The following ADAMTS12 variants were observed in gnomAD, a reference collection of about 807,000 sequenced individuals.
The protein encoded by ADAMTS12 is A disintegrin and metalloproteinase with thrombospondin motifs 12.
A neutral mutation model predicts 167.8 loss-of-function variants in ADAMTS12; 118 were observed. The observed-to-expected ratio is 0.70, with a 90% CI of 0.61 to 0.82. The LOEUF (loss-of-function observed/expected upper bound fraction) is 0.82. Among genes scored for constraint, ADAMTS12 ranks in the 40% least tolerant of loss-of-function variants. ADAMTS12 has a pLI of 0.00. For synonymous variants in ADAMTS12, 704 were observed against 716.9 expected (o/e 0.98, Z 0.29); for missense variants, 1,916 against 1,998.8 (o/e 0.96, Z 0.79).
At chr5:33,670,318 G>A (rs1247240472) in intron 5 of ADAMTS12, among the ~76,000 whole-genome samples, 2 of 152,160 alleles carry the variant, frequency 1.3e-5, no homozygotes, top group African/African-American at 2.4e-5. Flanking sequence ...TTACCAGAAT[G>A]GGTAAAATAA....
chr5:33,793,274 TAATGAGGCTGA>T (rs1232265412), intron 2 of ADAMTS12, among the ~76,000 whole-genome samples: 1 of 152,274 alleles, frequency 6.6e-6, no homozygotes, highest in Non-Finnish European at 1.5e-5. Context: ...GGTTTGTGTG[TAATGAGGCTGA>T]ACACTTAAAA....
chr5:33,742,895 G>A (rs553974216), intron 3 of ADAMTS12, among the ~76,000 whole-genome samples: 1 of 152,330 alleles, frequency 6.6e-6, no homozygotes, highest in Admixed American at 6.5e-5. Flanking sequence ...ATGGAAGACA[G>A]ACAATAAACC....
Position 33,524,424 on chromosome 5 carries a change from C to A in ADAMTS12, c.*2764G>T, listed in dbSNP as rs372765487. The A allele has an allele frequency of 6.6e-6, 1 of 152,178 alleles. No homozygotes were observed. The highest frequency in any genetic ancestry group is 2.4e-5 in the African/African-American group (1 of 41,440). The allele number at this position is 152,178 out of a possible 1,614,324, so 9.4% of individuals were successfully genotyped here. A position where few individuals can be genotyped will look rare whatever the true frequency, so the allele number is the denominator to read the frequency against. ...TAATGTAGTTAAGTACCAGGCCCTG[C>A]GATGGCCCTCTCTATTTCATAGAGA... On this transcript the variant is annotated 3_prime_UTR_variant, in exon 24 of 24. Coordinates refer to ENST00000504830, the MANE Select transcript of ADAMTS12 (RefSeq NM_030955.4).
chr5:33,862,085 C>T (rs778802400), intron 2 of ADAMTS12, among the ~76,000 whole-genome samples: 2 of 151,930 alleles, frequency 1.3e-5, no homozygotes, highest in Non-Finnish European at 2.9e-5. Context: ...GGAAAAGATC[C>T]AAAATCGACA....
intron 2 of ADAMTS12, among the ~76,000 whole-genome samples, chr5:33,819,143 T>C (rs1747779135): frequency 6.6e-6 from 1 of 152,100 alleles, no homozygotes. Flanking sequence ...TGGTGTGATA[T>C]CCAAAAAAAG....
At chr5:33,568,810 C>T (rs551943448) in intron 19 of ADAMTS12, among the ~76,000 whole-genome samples, 21 of 152,340 alleles carry the variant, frequency 1.4e-4, no homozygotes, top group South Asian at 4.1e-4. Flanking sequence ...ACTCGGGAAG[C>T]GCAAGGGGTC....
chr5:33,843,951 G>C (rs1005619958), intron 2 of ADAMTS12, among the ~76,000 whole-genome samples: 1 of 152,230 alleles, frequency 6.6e-6, no homozygotes, highest in African/African-American at 2.4e-5. Context: ...CATGGCAGAA[G>C]AATGTGGATT....
At chr5:33,753,694 T>G (rs1206447613) in intron 2 of ADAMTS12, among the ~76,000 whole-genome samples, 1 of 152,042 alleles carries the variant, frequency 6.6e-6, no homozygotes, top group Non-Finnish European at 1.5e-5. Context: ...CAGATGGGGC[T>G]CCACTTGAGG....
chr5:33,534,330 G>A (rs1304074452), intron 23 of ADAMTS12, among the ~76,000 whole-genome samples: 1 of 152,020 alleles, frequency 6.6e-6, no homozygotes, highest in East Asian at 1.9e-4. Context: ...TTTCCATCCA[G>A]CTTTCTCCAC....
At chr5:33,867,665 T>G (rs1178491496) in intron 2 of ADAMTS12, among the ~76,000 whole-genome samples, 1 of 151,944 alleles carries the variant, frequency 6.6e-6, no homozygotes, top group East Asian at 1.9e-4. Context: ...ATATAAAAAG[T>G]TTTTAAACAA....
chr5:33,665,766 G>A (rs1461175596), intron 5 of ADAMTS12, among the ~76,000 whole-genome samples: 1 of 152,146 alleles, frequency 6.6e-6, no homozygotes, highest in Non-Finnish European at 1.5e-5. Flanking sequence ...CTTATGTGAT[G>A]GGGAGAGGGT....
intron 6 of ADAMTS12, among the ~76,000 whole-genome samples, chr5:33,659,936 G>A (rs1403430659): frequency 1.3e-5 from 2 of 152,154 alleles, no homozygotes; most frequent in East Asian, 3.9e-4. Context: ...CCCCTCCTAA[G>A]GGACATTTGG....
intron 2 of ADAMTS12, among the ~76,000 whole-genome samples, chr5:33,768,510 A>G (rs1038281450): frequency 6.6e-6 from 1 of 152,258 alleles, no homozygotes; most frequent in African/African-American, 2.4e-5. Context: ...ATCATGCAAC[A>G]GAATTGCATT....
chr5:33,631,281 T>C (rs1739916490), intron 12 of ADAMTS12, among the ~76,000 whole-genome samples: 1 of 152,172 alleles, frequency 6.6e-6, no homozygotes, highest in Non-Finnish European at 1.5e-5. Context: ...CAACCAGCCA[T>C]GAAGGACTCC....
chr5:33,641,683 G>T, intron 11 of ADAMTS12, 127 bp downstream of exon 11: 1 of 936,444 alleles, frequency 1.1e-6, no homozygotes, highest in Non-Finnish European at 1.5e-6. Flanking sequence ...GTTCTGTTTT[G>T]TCCTGGGAAC....
At chr5:33,715,387 C>A (rs961450024) in intron 3 of ADAMTS12, among the ~76,000 whole-genome samples, 1 of 152,056 alleles carries the variant, frequency 6.6e-6, no homozygotes, top group Admixed American at 6.6e-5. Context: ...GGAGAGAATT[C>A]ATATGCAGTT....
chr5:33,800,438 T>G (rs1274692842), intron 2 of ADAMTS12, among the ~76,000 whole-genome samples: 1 of 152,192 alleles, frequency 6.6e-6, no homozygotes, highest in Non-Finnish European at 1.5e-5. Context: ...AAGAGCTCAA[T>G]ACTACACAAA....
intron 2 of ADAMTS12, among the ~76,000 whole-genome samples, chr5:33,852,267 G>T (rs1749244526): frequency 6.6e-6 from 1 of 152,208 alleles, no homozygotes; most frequent in Non-Finnish European, 1.5e-5. Flanking sequence ...GAAAGAATCA[G>T]TGGTAAACTT....
intron 5 of ADAMTS12, among the ~76,000 whole-genome samples, chr5:33,677,881 C>T (rs1274290863): frequency 6.6e-6 from 1 of 152,114 alleles, no homozygotes; most frequent in Non-Finnish European, 1.5e-5. Context: ...GAGTTTTACA[C>T]CCAATACTCC....
Sources: gnomAD v4.1 joint callset for allele counts (sites outside exome capture counted in the v4.1 genomes callset) on GRCh38, gnomAD v4.1.1 for gene constraint, MANE v1.5 for transcripts, NCBI Gene and HGNC (gene_info 2026-07-23, HGNC 2026-07-21) for gene names.